The following PLSCR2 variants were observed in gnomAD, a reference collection of about 807,000 sequenced individuals.
PLSCR2 encodes the protein phospholipid scramblase 2.
Under a neutral mutation model 25.3 loss-of-function variants are expected in PLSCR2, and 18 were observed. That is an observed-to-expected ratio of 0.71 (90% CI 0.49 to 1.06). PLSCR2 has a LOEUF of 1.06. Ranked by LOEUF, PLSCR2 falls within the 50% of genes least tolerant of loss-of-function variation. The pLI is 0.00. For missense variants in PLSCR2, 243 were observed against 269.5 expected, an observed-to-expected ratio of 0.90 and a Z score of 0.69; for synonymous variants, 88 against 87.3, an observed-to-expected ratio of 1.01 and a Z score of -0.04.
chr3:146,454,115 T>A lies in PLSCR2; in HGVS notation c.370A>T (p.Thr124Ser), dbSNP rs542637851. The change falls in exon 5 of 7, where the codon ACC becomes TCC. Residue 124 changes from threonine to serine, a missense_variant. By Grantham distance (58) the Thr-to-Ser change is moderately conservative (BLOSUM62 1). Coordinates refer to ENST00000610787, the Ensembl canonical transcript of PLSCR2. ...AACTTTGTTAGACATGGGTGCCAGG[T>A]CTGAGTAACATAACCTACTGGTACA... 9.3e-6 allele frequency: 15 copies of A among 1,608,546 alleles called. No individual in the cohort carries two copies. The South Asian group carries it at 1.6e-4, about 17-fold the overall frequency.
intron 5 of PLSCR2, among the ~76,000 whole-genome samples, chr3:146,450,726 AT>A (rs1217232899): frequency 6.6e-6 from 1 of 152,242 alleles, no homozygotes; most frequent in African/African-American, 2.4e-5. Context: ...TATTTTAAAA[AT>A]CATTCAAATT....
At chr3:146,460,235 T>C in exon 1 of PLSCR2, 2 of 1,378,078 alleles carry the variant, frequency 1.5e-6, no homozygotes, top group Non-Finnish European at 1.9e-6. Context: ...AGATATGTTT[T>C]AATGAAATAT....
chr3:146,454,293 A>G (rs1469810413), intron 4 of PLSCR2, 130 bp from the exon 5 acceptor site: 3 of 545,930 alleles, frequency 5.5e-6, no homozygotes, highest in Non-Finnish European at 9.2e-6. Flanking sequence ...CTTTTTTTTT[A>G]AAGATTGAAT....
At chr3:146,489,910 C>T (rs186090743) in intron 1 of PLSCR2, among the ~76,000 whole-genome samples, 28 of 152,134 alleles carry the variant, frequency 1.8e-4, no homozygotes, top group African/African-American at 5.8e-4. Flanking sequence ...TTTCTCTCTA[C>T]TATATTTCTC....
At chr3:146,446,866 C>T (rs768381236) in intron 6 of PLSCR2, among the ~76,000 whole-genome samples, 1 of 152,088 alleles carries the variant, frequency 6.6e-6, no homozygotes, top group Non-Finnish European at 1.5e-5. Flanking sequence ...ACCCAAGTTG[C>T]AAGGAAAAAA....
At chr3:146,462,296 T>C (rs1474064882), upstream of PLSCR2, among the ~76,000 whole-genome samples, 1 of 152,052 alleles carries the variant, frequency 6.6e-6, no homozygotes, top group African/African-American at 2.4e-5. Context: ...CTCATTATGT[T>C]GCCCAGGCTG....
At chr3:146,398,348 T>TA (rs2038342410) in intron 2 of PLSCR2, among the ~76,000 whole-genome samples, 1 of 151,764 alleles carries the variant, frequency 6.6e-6, no homozygotes, top group Non-Finnish European at 1.5e-5. Flanking sequence ...ACATTATCTA[T>TA]AATTAGTACC....
chr3:146,429,162 A>G (rs144039653), downstream of PLSCR2, among the ~76,000 whole-genome samples: 54 of 152,346 alleles, frequency 3.5e-4, no homozygotes, highest in African/African-American at 1.3e-3. Context: ...GCATAGTGCC[A>G]GCATCTGCTT....
intron 3 of PLSCR2, among the ~76,000 whole-genome samples, chr3:146,392,574 T>C (rs189158620): frequency 4.7e-4 from 71 of 152,066 alleles, no homozygotes; most frequent in African/African-American, 1.7e-3. Flanking sequence ...ATAAGAACAT[T>C]AGTCCTTGGT....
intron 2 of PLSCR2, among the ~76,000 whole-genome samples, chr3:146,398,272 A>T (rs1347826138): frequency 6.6e-6 from 1 of 151,904 alleles, no homozygotes; most frequent in Non-Finnish European, 1.5e-5. Flanking sequence ...AAAAATTTTT[A>T]AAAATTATTT....
At chr3:146,464,003 A>C, upstream of PLSCR2, 1 of 981,366 alleles carries the variant, frequency 1.0e-6, no homozygotes, top group South Asian at 4.7e-5. Context: ...CCCTGAAATA[A>C]ATCAAAAGAT....
intron 6 of PLSCR2, among the ~76,000 whole-genome samples, chr3:146,448,318 T>C (rs1013850644): frequency 2.6e-5 from 4 of 152,232 alleles, no homozygotes; most frequent in African/African-American, 9.6e-5. Flanking sequence ...CATTTACTTG[T>C]TGAAGCAGCT....
intron 2 of PLSCR2, among the ~76,000 whole-genome samples, chr3:146,405,849 C>T (rs60103813): frequency 0.26 from 39,347 of 151,748 alleles, 5,310 homozygotes; most frequent in Admixed American, 0.34. Flanking sequence ...AGATTTTTCT[C>T]GCACCTTTTA....
At chr3:146,437,214 C>T (rs2039920414), downstream of PLSCR2, among the ~76,000 whole-genome samples, 1 of 151,918 alleles carries the variant, frequency 6.6e-6, no homozygotes, top group South Asian at 2.1e-4. Flanking sequence ...TGATGTTCAT[C>T]AGGGATATTG....
intron 3 of PLSCR2, among the ~76,000 whole-genome samples, chr3:146,391,815 C>A (rs955858273): frequency 5.3e-5 from 8 of 152,198 alleles, no homozygotes; most frequent in Middle Eastern, 6.8e-3. Flanking sequence ...AGATCAGCAA[C>A]TAATTCTACC....
intron 6 of PLSCR2, among the ~76,000 whole-genome samples, chr3:146,443,693 T>C (rs2040381372): frequency 6.6e-6 from 1 of 151,994 alleles, no homozygotes; most frequent in Non-Finnish European, 1.5e-5. Context: ...ATTTGGCTTA[T>C]CTTTCCAAAA....
chr3:146,409,472 C>T (rs927190550), intron 2 of PLSCR2, among the ~76,000 whole-genome samples: 1 of 152,068 alleles, frequency 6.6e-6, no homozygotes, highest in Non-Finnish European at 1.5e-5. Context: ...TGAGCAGAGC[C>T]ATGGAGGGGG....
intron 1 of PLSCR2, among the ~76,000 whole-genome samples, chr3:146,470,902 C>G (rs2042092408): frequency 6.6e-6 from 1 of 152,094 alleles, no homozygotes; most frequent in South Asian, 2.1e-4. Context: ...GTAATGGTAT[C>G]TACCACAGAG....
In PLSCR2 at chr3:146,483,455, A is replaced by G. The variant is rs1340712814; in HGVS notation, c.-293+12440T>C. Among the ~76,000 whole-genome samples, 41 of 53,106 alleles carry G rather than the reference A, an allele frequency of 7.7e-4. 2 individuals carry two copies. The highest frequency in any genetic ancestry group is 1.5e-3 in the African/African-American group (18 of 11,792). The allele number at this position is 53,106 out of a possible 152,430, so 34.8% of individuals were successfully genotyped here. On this transcript the variant is annotated intron_variant, in intron 1 of 8. Transcript: ENST00000336685. ...TATATATATATATACACATGTATGT[A>G]TATATATATATATATATACATGTGT... is the stretch of plus-strand genomic sequence containing the variant.
Sources: allele counts gnomAD v4.1 joint callset (sites outside exome capture counted in the v4.1 genomes callset), GRCh38; gene constraint gnomAD v4.1.1; transcripts MANE v1.5; gene names NCBI Gene and HGNC (gene_info 2026-07-23, HGNC 2026-07-21).